FAF1: variants seen among roughly 807,000 people sequenced by gnomAD.
FAF1 encodes Fas associated factor 1.
A neutral mutation model predicts 92.5 loss-of-function variants in FAF1; 25 were observed. The observed-to-expected ratio is 0.27, with a 90% CI of 0.20 to 0.38. The LOEUF is 0.38. FAF1 is among the 10% of genes least tolerant of loss of function. FAF1 has a pLI of 1.00. For missense variants in FAF1, 636 were observed against 793.3 expected (o/e 0.80, Z 2.38); for synonymous variants, 234 against 273.2 (o/e 0.86, Z 1.42).
intron 4 of FAF1, 59 bp from the exon 5 acceptor site, chr1:50,744,834 CA>C (rs1353917207): frequency 9.7e-7 from 1 of 1,028,006 alleles, no homozygotes; most frequent in African/African-American, 1.6e-5. Context: ...AACATTTGTC[CA>C]TATCCAGAGC....
chr1:50,724,310 C>T (rs1293973759), intron 6 of FAF1, among the ~76,000 whole-genome samples: 9 of 148,870 alleles, frequency 6.0e-5, no homozygotes, highest in African/African-American at 1.5e-4. Flanking sequence ...CACACACACA[C>T]ACACACACAC....
intron 15 of FAF1, among the ~76,000 whole-genome samples, chr1:50,529,852 C>A (rs1648046854): frequency 6.6e-6 from 1 of 152,040 alleles, no homozygotes; most frequent in African/African-American, 2.4e-5. Context: ...ACTAAAAGCT[C>A]AATAAATATT....
intron 1 of FAF1, among the ~76,000 whole-genome samples, chr1:50,910,824 G>A (rs1039199492): frequency 6.6e-6 from 1 of 152,020 alleles, no homozygotes; most frequent in African/African-American, 2.4e-5. Flanking sequence ...AACCCCTTGT[G>A]CTTCCCGGGT....
chr1:50,566,408 T>G (rs1412209370), intron 13 of FAF1, among the ~76,000 whole-genome samples: 1 of 152,136 alleles, frequency 6.6e-6, no homozygotes, highest in Non-Finnish European at 1.5e-5. Context: ...CATGGGATGT[T>G]ACGGCCACAT....
intron 4 of FAF1, among the ~76,000 whole-genome samples, chr1:50,757,335 A>G (rs563414877): frequency 4.6e-5 from 7 of 152,278 alleles, no homozygotes; most frequent in African/African-American, 1.7e-4. Flanking sequence ...TCCAATTGTG[A>G]ATTTATCCAT....
intron 8 of FAF1, among the ~76,000 whole-genome samples, chr1:50,602,165 T>C (rs909922508): frequency 1.3e-5 from 2 of 152,212 alleles, no homozygotes; most frequent in Non-Finnish European, 2.9e-5. Context: ...AACTACAGCT[T>C]TACTGTTTTT....
At chr1:50,671,609 T>C (rs1193352253) in intron 7 of FAF1, among the ~76,000 whole-genome samples, 1 of 152,198 alleles carries the variant, frequency 6.6e-6, no homozygotes, top group Non-Finnish European at 1.5e-5. Context: ...ATCCCTTTTT[T>C]TGGGTCAAGA....
At position 50,855,240 on chromosome 1, in the gene FAF1, T is replaced by C. The variant is rs371491003; in HGVS notation, c.114+2689A>G. 3.3e-5 allele frequency among the ~76,000 whole-genome samples: 5 copies of C among 151,918 alleles called. No homozygotes were observed. In the East Asian group the frequency reaches 5.8e-4, roughly 18 times the overall value. On this transcript the variant is annotated intron_variant, in intron 2 of 18. Transcript: ENST00000396153. ...ACAATTCTCAAAGTTAGAGACTACA[T>C]CTTGTTATATTTTTTAAGCCCCCAC... is the stretch of plus-strand genomic sequence containing the variant.
chr1:50,933,521 A>G (rs1645064203), intron 1 of FAF1, among the ~76,000 whole-genome samples: 1 of 152,202 alleles, frequency 6.6e-6, no homozygotes, highest in Non-Finnish European at 1.5e-5. Flanking sequence ...TATCACTAAT[A>G]GTATTTTTGT....
At chr1:50,659,327 G>A (rs946835132) in intron 7 of FAF1, among the ~76,000 whole-genome samples, 2 of 151,944 alleles carry the variant, frequency 1.3e-5, no homozygotes, top group Non-Finnish European at 2.9e-5. Flanking sequence ...TAAAGAGATA[G>A]GGAGAAATAG....
chr1:50,538,553 CAAAAA>C (rs34003582), intron 14 of FAF1, among the ~76,000 whole-genome samples: 46 of 78,082 alleles, frequency 5.9e-4, no homozygotes, highest in African/African-American at 1.7e-3. Context: ...GTAAAAAAGG[CAAAAA>C]AAAAAAAAAA....
At chr1:50,460,593 GTA>G (rs925023603) in intron 18 of FAF1, among the ~76,000 whole-genome samples, 5 of 151,406 alleles carry the variant, frequency 3.3e-5, no homozygotes, top group Non-Finnish European at 4.4e-5. Flanking sequence ...GTGTGTGTAT[GTA>G]TATATATGTG....
intron 1 of FAF1, 56 bp downstream of exon 1, chr1:50,959,711 G>A: frequency 3.4e-6 from 5 of 1,485,582 alleles, no homozygotes; most frequent in Non-Finnish European, 4.6e-6. Context: ...ACTCCCTTGT[G>A]GCACCGGAAA....
At chr1:50,461,388 G>C (rs903330320) in intron 18 of FAF1, 3 of 152,110 alleles carry the variant, frequency 2.0e-5, no homozygotes, top group African/African-American at 7.2e-5. Flanking sequence ...AGACAAGACT[G>C]TGTTGTAATT....
chr1:50,838,566 TA>T (rs1644231407), intron 2 of FAF1, among the ~76,000 whole-genome samples: 1 of 148,052 alleles, frequency 6.8e-6, no homozygotes, highest in Non-Finnish European at 1.5e-5. Flanking sequence ...AAAATATATA[TA>T]TTTTATATAA....
intron 2 of FAF1, among the ~76,000 whole-genome samples, chr1:50,812,606 T>C (rs769036391): frequency 2.6e-5 from 4 of 152,144 alleles, no homozygotes; most frequent in East Asian, 1.9e-4. Flanking sequence ...GAAAAGGGAG[T>C]GCTTACATGC....
At chr1:50,861,116 T>C (rs1309116546) in intron 1 of FAF1, among the ~76,000 whole-genome samples, 2 of 151,994 alleles carry the variant, frequency 1.3e-5, no homozygotes, top group South Asian at 2.1e-4. Context: ...TTCAGTACTA[T>C]GTTGAGTACC....
At chr1:50,901,108 A>T (rs1644792991) in intron 1 of FAF1, among the ~76,000 whole-genome samples, 1 of 152,188 alleles carries the variant, frequency 6.6e-6, no homozygotes, top group African/African-American at 2.4e-5. Flanking sequence ...TTCATTAATA[A>T]CATCTGTATG....
In FAF1 at chr1:50,794,206, A is replaced by C. The variant is rs61286266; in HGVS notation, c.162-6001T>G. The stretch of plus-strand genomic sequence containing the variant: ...AGAATGCAGTGGTTGAAAGCACATG[A>C]AGGTGAAAGCTGTACTTTGTATTTC... On this transcript the variant is annotated intron_variant, in intron 3 of 18. Coordinates refer to ENST00000396153, the MANE Select transcript of FAF1 (RefSeq NM_007051.3). Among the ~76,000 whole-genome samples the C allele has an allele frequency of 3.2e-4, 49 of 152,376 alleles. 1 individual carries two copies. The highest frequency in any genetic ancestry group is 1.1e-3 in the African/African-American group (46 of 41,590).
Sources: gnomAD v4.1 joint callset for allele counts (sites outside exome capture counted in the v4.1 genomes callset) on GRCh38, gnomAD v4.1.1 for gene constraint, MANE v1.5 for transcripts, NCBI Gene and HGNC (gene_info 2026-07-23, HGNC 2026-07-21) for gene names.